The following AGBL4 variants were observed in gnomAD, a reference collection of about 807,000 sequenced individuals.
AGBL4 encodes the protein cytosolic carboxypeptidase 6.
In AGBL4, 58 loss-of-function variants were observed where a neutral mutation model predicts 66.4. The observed-to-expected ratio is 0.87, with a 90% confidence interval of 0.71 to 1.09. AGBL4 has a LOEUF of 1.09. AGBL4 is among the 50% of genes least tolerant of loss of function. The pLI, the probability that AGBL4 is intolerant of heterozygous loss-of-function variation, is 0.00. For missense variants in AGBL4, 579 were observed against 631.0 expected (o/e 0.92, Z 0.88); for synonymous variants, 234 against 222.9 (o/e 1.05, Z -0.44).
At chr1:49,099,959 A>T (rs1016696473) in intron 4 of AGBL4, among the ~76,000 whole-genome samples, 2 of 152,002 alleles carry the variant, frequency 1.3e-5, no homozygotes, top group African/African-American at 4.8e-5. Context: ...TCTCTCTCTC[A>T]TTCTAGGGTG....
intron 1 of AGBL4, among the ~76,000 whole-genome samples, chr1:50,001,032 T>A (rs1660712383): frequency 6.6e-6 from 1 of 151,666 alleles, no homozygotes; most frequent in Admixed American, 6.6e-5. Flanking sequence ...AAAAATTATT[T>A]AAAAAATTAA....
intron 3 of AGBL4, among the ~76,000 whole-genome samples, chr1:49,306,527 T>C (rs1644851449): frequency 6.6e-6 from 1 of 152,208 alleles, no homozygotes; most frequent in Admixed American, 6.5e-5. Flanking sequence ...TTACAAAATG[T>C]GGTCATAGGT....
intron 2 of AGBL4, among the ~76,000 whole-genome samples, chr1:49,824,332 C>T (rs1167437934): frequency 6.6e-6 from 1 of 152,104 alleles, no homozygotes; most frequent in Non-Finnish European, 1.5e-5. Context: ...TGGGCTGACA[C>T]CTGGGTTATA....
At chr1:49,075,454 C>T (rs1244171307) in intron 4 of AGBL4, among the ~76,000 whole-genome samples, 2 of 152,116 alleles carry the variant, frequency 1.3e-5, no homozygotes, top group African/African-American at 4.8e-5. Context: ...AAGCTGGTTA[C>T]TCACAATTTT....
intron 1 of AGBL4, among the ~76,000 whole-genome samples, chr1:49,966,232 G>A (rs912606865): frequency 2.0e-5 from 3 of 151,940 alleles, no homozygotes; most frequent in Non-Finnish European, 4.4e-5. Flanking sequence ...GTGAGCCACC[G>A]TGCCTGGCCT....
intron 11 of AGBL4, among the ~76,000 whole-genome samples, chr1:48,570,870 T>A (rs766588327): frequency 1.6e-4 from 24 of 152,166 alleles, no homozygotes; most frequent in Non-Finnish European, 3.2e-4. Flanking sequence ...ATGAGGGAAC[T>A]CAAAAGAAGA....
At chr1:49,743,907 G>A (rs1487268569) in intron 2 of AGBL4, among the ~76,000 whole-genome samples, 1 of 115,888 alleles carries the variant, frequency 8.6e-6, no homozygotes, top group Non-Finnish European at 1.7e-5. Context: ...CCTATTGTGG[G>A]GTGGGGGGAG....
intron 3 of AGBL4, among the ~76,000 whole-genome samples, chr1:49,455,389 A>G (rs1364813425): frequency 1.3e-5 from 2 of 151,724 alleles, no homozygotes; most frequent in Admixed American, 6.6e-5. Context: ...CATTTTAAAA[A>G]GCACTTTGTA....
chr1:49,855,440 G>A (rs1051544454), intron 1 of AGBL4, among the ~76,000 whole-genome samples: 1 of 152,126 alleles, frequency 6.6e-6, no homozygotes, highest in Non-Finnish European at 1.5e-5. Flanking sequence ...TCCAAAAGCT[G>A]CAGAATACAC....
intron 3 of AGBL4, among the ~76,000 whole-genome samples, chr1:49,571,206 T>C (rs1397107546): frequency 2.0e-5 from 3 of 152,054 alleles, no homozygotes; most frequent in Admixed American, 6.6e-5. Flanking sequence ...ACATTAATTC[T>C]TCAGGTACAT....
At chr1:49,121,602 C>T (rs1419491704) in intron 4 of AGBL4, among the ~76,000 whole-genome samples, 1 of 152,148 alleles carries the variant, frequency 6.6e-6, no homozygotes, top group Non-Finnish European at 1.5e-5. Context: ...AGGCAGCAAC[C>T]TATATGAGGT....
intron 4 of AGBL4, among the ~76,000 whole-genome samples, chr1:49,062,439 T>G (rs1306380362): frequency 1.3e-5 from 2 of 152,238 alleles, no homozygotes; most frequent in Non-Finnish European, 2.9e-5. Flanking sequence ...ATGTTTCTAT[T>G]TGTACACCAT....
intron 4 of AGBL4, among the ~76,000 whole-genome samples, chr1:49,084,843 C>T (rs955318011): frequency 1.1e-4 from 17 of 152,154 alleles, no homozygotes; most frequent in Non-Finnish European, 4.4e-5. Context: ...GACAGCCACA[C>T]GCCTTGGTCT....
At chr1:49,143,317 T>G (rs1330290874) in intron 4 of AGBL4, among the ~76,000 whole-genome samples, 1 of 152,182 alleles carries the variant, frequency 6.6e-6, no homozygotes, top group African/African-American at 2.4e-5. Flanking sequence ...CATCTCCTCA[T>G]GAATATTTCA....
intron 6 of AGBL4, among the ~76,000 whole-genome samples, chr1:48,766,145 T>G (rs1406110279): frequency 3.3e-5 from 5 of 152,234 alleles, no homozygotes; most frequent in African/African-American, 1.2e-4. Context: ...ACATGTCAGA[T>G]ACCTCTATAA....
Position 50,023,944 on chromosome 1 carries a change from G to C in AGBL4, c.-148C>G, listed in dbSNP as rs543269839. On this transcript the variant is annotated 5_prime_UTR_variant, in exon 1 of 14. Coordinates refer to ENST00000371839, the MANE Select transcript of AGBL4 (RefSeq NM_032785.4). Reference sequence around the variant, plus strand: ...ACGGGCGGCAGGCGCGCGGGTGGCCGGCGCGCGGCTGAGGGCGGGAGGGAC... The same window carrying C: ...ACGGGCGGCAGGCGCGCGGGTGGCCCGCGCGCGGCTGAGGGCGGGAGGGAC... The C allele has an allele frequency of 2.4e-6, 2 of 845,134 alleles. No individual in the cohort carries two copies. The highest frequency in any genetic ancestry group is 3.4e-6 in the Non-Finnish European group (2 of 583,580). The allele number at this position is 845,134 out of a possible 1,614,324, so 52.4% of individuals were successfully genotyped here.
chr1:48,708,357 G>C (rs1230074723), intron 6 of AGBL4, among the ~76,000 whole-genome samples: 4 of 152,206 alleles, frequency 2.6e-5, no homozygotes, highest in Non-Finnish European at 5.9e-5. Flanking sequence ...ACCCTGAAGA[G>C]GGATTGACCA....
rs546364940 is a variant in AGBL4 at position 48,595,111 on chromosome 1, A to T, written c.952-4126T>A. Reference sequence around the variant, plus strand: ...TCATCTTGACTAGTACAAAATCTCAATTCAAAAAGCCTTATTTTATCCCTC... The same window carrying T: ...TCATCTTGACTAGTACAAAATCTCATTTCAAAAAGCCTTATTTTATCCCTC... On this transcript the variant is annotated intron_variant, in intron 9 of 13. Transcript: ENST00000371839. Among the ~76,000 whole-genome samples the T allele has an allele frequency of 3.9e-5, 6 of 152,276 alleles. No individual in the cohort carries two copies. The East Asian group carries it at 1.2e-3, about 29-fold the overall frequency.
chr1:49,630,594 C>A (rs547251699), intron 3 of AGBL4, among the ~76,000 whole-genome samples: 1 of 152,184 alleles, frequency 6.6e-6, no homozygotes, highest in South Asian at 2.1e-4. Context: ...TAAATTAATT[C>A]TTGCATATCC....
Sources: allele counts gnomAD v4.1 joint callset (sites outside exome capture counted in the v4.1 genomes callset), GRCh38; gene constraint gnomAD v4.1.1; transcripts MANE v1.5; gene names NCBI Gene and HGNC (gene_info 2026-07-23, HGNC 2026-07-21).